The following CRYBG3 variants were observed in gnomAD, a reference collection of about 807,000 sequenced individuals.
CRYBG3 encodes crystallin beta-gamma domain containing 3.
A neutral mutation model predicts 244.2 loss-of-function variants in CRYBG3; 127 were observed. The ratio of observed to expected loss-of-function variants is 0.52; its 90% CI spans 0.45 to 0.60. The LOEUF is 0.60. Among genes scored for constraint, CRYBG3 ranks in the 20% least tolerant of loss-of-function variants. The pLI is 0.00. For synonymous variants in CRYBG3, 1,132 were observed against 1,195.8 expected (o/e 0.95, Z 1.10); for missense variants, 3,325 against 3,442.5 (o/e 0.97, Z 0.85).
At chr3:97,927,778 G>A (rs1004255415) in intron 17 of CRYBG3, among the ~76,000 whole-genome samples, 1 of 151,904 alleles carries the variant, frequency 6.6e-6, no homozygotes, top group Admixed American at 6.6e-5. Flanking sequence ...AAGAAGATAT[G>A]CATATGGCCA....
chr3:97,867,341 G>A (rs1258173467), intron 3 of CRYBG3, among the ~76,000 whole-genome samples: 2 of 152,144 alleles, frequency 1.3e-5, no homozygotes, highest in Non-Finnish European at 2.9e-5. Context: ...GAGTGAGCAA[G>A]TAAAAAAGGG....
intron 12 of CRYBG3, 47 bp downstream of exon 12, chr3:97,896,132 G>C: frequency 6.4e-7 from 1 of 1,551,318 alleles, no homozygotes. Flanking sequence ...TAAAAAATCT[G>C]TTCACAAAAA....
intron 1 of CRYBG3, among the ~76,000 whole-genome samples, chr3:97,842,947 GTTGA>G (rs1311798098): frequency 6.6e-6 from 1 of 152,172 alleles, no homozygotes; most frequent in African/African-American, 2.4e-5. Flanking sequence ...TTACTGTGAT[GTTGA>G]TTATCTGTGT....
At chr3:97,904,095 C>T (rs944832692) in intron 15 of CRYBG3, among the ~76,000 whole-genome samples, 17 of 152,134 alleles carry the variant, frequency 1.1e-4, no homozygotes, top group East Asian at 1.9e-4. Flanking sequence ...TTTCCAAGGA[C>T]TGAATTTCTC....
At chr3:97,928,369 A>G (rs1227181495) in intron 17 of CRYBG3, among the ~76,000 whole-genome samples, 1 of 152,046 alleles carries the variant, frequency 6.6e-6, no homozygotes, top group Non-Finnish European at 1.5e-5. Flanking sequence ...ACACATGGGC[A>G]CTATGAAGGG....
chr3:97,890,111 T>G (rs2039558359), intron 10 of CRYBG3, among the ~76,000 whole-genome samples: 1 of 152,200 alleles, frequency 6.6e-6, no homozygotes, highest in Admixed American at 6.6e-5. Context: ...TTCTGATTTA[T>G]GGAACTGACT....
chr3:97,902,032 A>G (rs888710435), intron 15 of CRYBG3, among the ~76,000 whole-genome samples: 5 of 152,222 alleles, frequency 3.3e-5, no homozygotes, highest in African/African-American at 1.2e-4. Flanking sequence ...ATTTTCAGAC[A>G]TTCTTCTTGT....
rs757816857 is a variant in CRYBG3, at chr3:97,942,393, A to G, written c.8774A>G (p.Asn2925Ser). The G allele has an allele frequency of 3.1e-6, 5 of 1,611,758 alleles. No homozygotes were observed. Among genetic ancestry groups the G allele is most frequent in the Non-Finnish European group, 4.2e-6 (5 of 1,178,512 alleles). ...AGGCAGAAGTGGAGACTGAATAAAA[A>G]TGGAACTATCAGCTCTTATCTCAGT... ...QFRQKWRLNK[N>S]GTISSYLSDQ... The change falls in exon 21 of 22, where the codon AAT (asparagine) becomes AGT (serine). Residue 2925 changes from asparagine to serine, a missense_variant. By Grantham distance (46) the Asn-to-Ser change is conservative (BLOSUM62 1). Around this residue, in one of 4 missense-constraint regions of CRYBG3, gnomAD observed 714 missense variants for 803.6 expected, o/e 0.89. Transcript: ENST00000389622.
At chr3:97,917,026 T>C (rs551269977) in intron 17 of CRYBG3, among the ~76,000 whole-genome samples, 1 of 152,234 alleles carries the variant, frequency 6.6e-6, no homozygotes, top group South Asian at 2.1e-4. Context: ...GATACTTACT[T>C]GGTGTTAACT....
chr3:97,822,499 A>T, intron 1 of CRYBG3, 144 bp downstream of exon 1: 1 of 756,028 alleles, frequency 1.3e-6, no homozygotes, highest in Non-Finnish European at 2.0e-6. Context: ...CCATTGCTAA[A>T]GTTTCCTCCT....
At chr3:97,856,122 C>A (rs1054044271) in intron 2 of CRYBG3, among the ~76,000 whole-genome samples, 11 of 152,052 alleles carry the variant, frequency 7.2e-5, no homozygotes, top group Admixed American at 6.6e-4. Flanking sequence ...TAGGCCTATA[C>A]CCCCAGGCAC....
At chr3:97,841,246 A>G (rs2038810469) in intron 1 of CRYBG3, among the ~76,000 whole-genome samples, 1 of 142,606 alleles carries the variant, frequency 7.0e-6, no homozygotes, top group South Asian at 2.2e-4. Flanking sequence ...GTATATACAT[A>G]TATGTATATA....
intron 2 of CRYBG3, among the ~76,000 whole-genome samples, chr3:97,861,647 A>C (rs9840258): frequency 0.44 from 67,046 of 151,920 alleles, 16,083 homozygotes; most frequent in East Asian, 0.67. Context: ...GAGAGCAACT[A>C]GAATGAACAT....
intron 17 of CRYBG3, among the ~76,000 whole-genome samples, chr3:97,921,179 C>A (rs912797214): frequency 1.4e-5 from 2 of 139,716 alleles, no homozygotes; most frequent in Non-Finnish European, 3.0e-5. Context: ...TCTCTAAATT[C>A]TTTGAGATCT....
At chr3:97,879,004 T>C (rs2039415362) in intron 4 of CRYBG3, among the ~76,000 whole-genome samples, 2 of 152,154 alleles carry the variant, frequency 1.3e-5, no homozygotes, top group Non-Finnish European at 2.9e-5. Flanking sequence ...CCTTAAACAA[T>C]CTTCATGGCA....
rs1407155828 is a variant in CRYBG3 at position 97,877,192 on chromosome 3, A to G, written c.5998A>G (p.Thr2000Ala). 3 of 1,613,864 alleles carry G rather than the reference A, an allele frequency of 1.9e-6. No individual in the cohort carries two copies. Among genetic ancestry groups the G allele is most frequent in the African/African-American group, 1.3e-5 (1 of 74,938 alleles). Residue 2000 changes from threonine to alanine, a missense_variant, in exon 4 of 22, where the codon ACT becomes GCT. Around this residue, in one of 4 missense-constraint regions of CRYBG3, gnomAD observed 450 missense variants for 424.1 expected, o/e 1.06. Transcript: ENST00000389622. ...AGATGAACAAGAAAATTCTTCCTTT[A>G]CTATATTATACGAAGAGCCCCTTCA... is the stretch of plus-strand genomic sequence containing the variant. ...SQDEQENSSFTILYEEPLQEE... is the reference protein window; with the variant it reads ...SQDEQENSSFAILYEEPLQEE...
chr3:97,901,221 C>G (rs925368398), intron 15 of CRYBG3, among the ~76,000 whole-genome samples: 4 of 152,112 alleles, frequency 2.6e-5, no homozygotes, highest in Non-Finnish European at 4.4e-5. Flanking sequence ...ATGATACGAG[C>G]AGTACAACTA....
chr3:97,850,934 C>T lies in CRYBG3; in HGVS notation c.216+7673C>T, dbSNP rs547087306. On this transcript the variant is annotated intron_variant, in intron 2 of 21. Coordinates refer to ENST00000389622, the MANE Select transcript of CRYBG3 (RefSeq NM_153605.4). ...ATCACTTGAGATCAGGAAATGGAGA[C>T]CAGCCTGGCCAACATGGTGAAACCC... 7.2e-5 allele frequency among the ~76,000 whole-genome samples: 11 copies of T among 152,048 alleles called. 1 individual carries two copies. In the South Asian group the frequency reaches 1.7e-3, roughly 23 times the overall value.
intron 17 of CRYBG3, 70 bp from the exon 18 acceptor site, chr3:97,933,624 C>G: frequency 6.7e-7 from 1 of 1,481,860 alleles, no homozygotes; most frequent in South Asian, 1.2e-5. Flanking sequence ...TCAGGGTACC[C>G]TGTGTTCAGA....
Sources: allele counts gnomAD v4.1 joint callset (sites outside exome capture counted in the v4.1 genomes callset), GRCh38; gene constraint gnomAD v4.1.1; regional missense constraint gnomAD v4.1.1; transcripts MANE v1.5; gene names NCBI Gene and HGNC (gene_info 2026-07-23, HGNC 2026-07-21).